DLGAP2: variants seen among roughly 807,000 people sequenced by gnomAD.
DLGAP2 encodes DLG associated protein 2, also known as disks large-associated protein 2.
Under a neutral mutation model 100.3 loss-of-function variants are expected in DLGAP2, and 26 were observed. The ratio of observed to expected loss-of-function variants is 0.26; its 90% CI spans 0.19 to 0.36. The LOEUF is 0.36. DLGAP2 is among the 10% of genes least tolerant of loss of function. The pLI is 1.00. For missense variants in DLGAP2, 1,858 were observed against 1,453.2 expected (o/e 1.28, Z -4.53); for synonymous variants, 886 against 630.1 (o/e 1.41, Z -6.08).
intron 2 of DLGAP2, among the ~76,000 whole-genome samples, chr8:1,197,863 G>A (rs1008278836): frequency 8.5e-5 from 13 of 152,074 alleles, no homozygotes; most frequent in Admixed American, 5.2e-4. Context: ...CAGGTTTCTC[G>A]TCTCCTGGGC....
Position 1,549,563 on chromosome 8 carries a change from C to G in DLGAP2, c.1110C>G (p.Ser370=). Residue 370 remains serine, a synonymous_variant, in exon 5 of 15, where the codon TCC becomes TCG. Transcript: ENST00000637795. ...ACGCCAAGTACCTGAAGCGCAGCTC[C>G]TGGTCTACGCTGACGGTCAGCCAGG... ...TPDAKYLKRS[S]WSTLTVSQAK... The G allele has an allele frequency of 6.2e-7, 1 of 1,613,004 alleles. No homozygotes were observed. The highest frequency in any genetic ancestry group is 8.5e-7 in the Non-Finnish European group (1 of 1,179,804).
In DLGAP2 at chr8:999,014, G is replaced by T. The variant is rs185590311; in HGVS notation, c.73+91048G>T. On this transcript the variant is annotated intron_variant, in intron 2 of 14. Coordinates refer to ENST00000637795, the MANE Select transcript of DLGAP2 (RefSeq NM_001346810.2). ...CCTGTAGAATCCTGAGATGAACATT[G>T]CTGCCTCCAGATGAACCATACCAGG... Among the ~76,000 whole-genome samples the T allele has an allele frequency of 5.9e-5, 9 of 152,244 alleles. No homozygotes were observed. The East Asian group carries it at 1.4e-3, about 23-fold the overall frequency.
At chr8:1,286,576 C>G (rs1799926600) in intron 3 of DLGAP2, among the ~76,000 whole-genome samples, 1 of 152,292 alleles carries the variant, frequency 6.6e-6, no homozygotes, top group South Asian at 2.1e-4. Context: ...TGAGAGCTTT[C>G]CCCTCTCCAT....
At chr8:1,167,411 C>T (rs1025617837) in intron 2 of DLGAP2, among the ~76,000 whole-genome samples, 1 of 152,074 alleles carries the variant, frequency 6.6e-6, no homozygotes, top group East Asian at 1.9e-4. Context: ...GTGAGGCTGG[C>T]AGGGCAGAGG....
chr8:1,168,867 C>T (rs1338239002), intron 2 of DLGAP2, among the ~76,000 whole-genome samples: 2 of 88,116 alleles, frequency 2.3e-5, no homozygotes, highest in Non-Finnish European at 2.5e-5. Context: ...TTTTGCTGTG[C>T]AGAAGCTCTT....
intron 1 of DLGAP2, among the ~76,000 whole-genome samples, chr8:775,349 C>G (rs1022503523): frequency 6.6e-6 from 1 of 151,178 alleles, no homozygotes; most frequent in Admixed American, 6.6e-5. Flanking sequence ...ATTTCCTTCT[C>G]CTGCCTAATT....
At chr8:998,243 C>T (rs1800843790) in intron 2 of DLGAP2, among the ~76,000 whole-genome samples, 1 of 152,204 alleles carries the variant, frequency 6.6e-6, no homozygotes, top group South Asian at 2.1e-4. Flanking sequence ...GGCACTGCTC[C>T]ATCTGTGTCA....
In DLGAP2 at chr8:1,315,969, G is replaced by A. The variant is rs1310924396; in HGVS notation, c.106+57086G>A. ...CAGTGGTCTACACTCGAGAAACTTCGCAGCTTTTAAAAATAGAGGCTGTGC... is the reference window on the plus strand; with the variant it reads ...CAGTGGTCTACACTCGAGAAACTTCACAGCTTTTAAAAATAGAGGCTGTGC... On this transcript the variant is annotated intron_variant, in intron 3 of 14. Transcript: ENST00000637795. 7.4e-5 allele frequency among the ~76,000 whole-genome samples: 10 copies of A among 135,440 alleles called. 1 individual carries two copies. The highest frequency in any genetic ancestry group is 1.1e-4 in the Non-Finnish European group (7 of 61,966). 88.9% of individuals were successfully genotyped at this position (135,440 alleles called of 152,430 possible).
intron 12 of DLGAP2, among the ~76,000 whole-genome samples, chr8:1,681,340 A>T (rs1433559944): frequency 6.6e-6 from 1 of 151,990 alleles, no homozygotes; most frequent in Admixed American, 6.6e-5. Context: ...TTAAAAAAAA[A>T]TAGAATCCTC....
intron 2 of DLGAP2, among the ~76,000 whole-genome samples, chr8:1,225,438 G>C (rs1356715514): frequency 6.6e-6 from 1 of 152,192 alleles, no homozygotes; most frequent in African/African-American, 2.4e-5. Context: ...AGGAGAATGG[G>C]GAACGGTCAC....
intron 2 of DLGAP2, among the ~76,000 whole-genome samples, chr8:1,117,343 C>T (rs894421018): frequency 9.2e-5 from 14 of 152,280 alleles, no homozygotes; most frequent in East Asian, 1.9e-4. Flanking sequence ...GCTGGGGATG[C>T]GGTGACGATG....
chr8:1,291,583 G>C (rs1026683197), intron 3 of DLGAP2, among the ~76,000 whole-genome samples: 1 of 152,168 alleles, frequency 6.6e-6, no homozygotes, highest in African/African-American at 2.4e-5. Context: ...TGATTCTGGG[G>C]AAGCCCCTGC....
intron 2 of DLGAP2, among the ~76,000 whole-genome samples, chr8:1,084,694 A>T (rs1803917847): frequency 2.0e-5 from 3 of 152,214 alleles, no homozygotes; most frequent in African/African-American, 7.2e-5. Context: ...ATGTTTTCAG[A>T]AATGACAGAC....
At chr8:997,081 G>T (rs1479230834) in intron 2 of DLGAP2, among the ~76,000 whole-genome samples, 1 of 152,148 alleles carries the variant, frequency 6.6e-6, no homozygotes, top group African/African-American at 2.4e-5. Flanking sequence ...GCATGTGACG[G>T]ACTGTTTTGT....
intron 6 of DLGAP2, among the ~76,000 whole-genome samples, chr8:1,575,311 C>T (rs150568848): frequency 2.8e-4 from 42 of 152,034 alleles, no homozygotes; most frequent in African/African-American, 4.6e-4. Flanking sequence ...AAACAAACAC[C>T]GCAAATCCCC....
chr8:1,175,863 C>A (rs190470128), intron 2 of DLGAP2, among the ~76,000 whole-genome samples: 1 of 152,200 alleles, frequency 6.6e-6, no homozygotes, highest in African/African-American at 2.4e-5. Flanking sequence ...TAGATTAAAA[C>A]CCTGTGCCCG....
intron 1 of DLGAP2, among the ~76,000 whole-genome samples, chr8:834,699 G>T (rs2132706626): frequency 6.6e-6 from 1 of 152,216 alleles, no homozygotes; most frequent in East Asian, 1.9e-4. Flanking sequence ...TCAAGTGGGT[G>T]CTATGCCCTA....
intron 1 of DLGAP2, among the ~76,000 whole-genome samples, chr8:746,184 C>A (rs1820613976): frequency 6.6e-6 from 1 of 152,240 alleles, no homozygotes; most frequent in South Asian, 2.1e-4. Flanking sequence ...TGGGTGCCAT[C>A]CCTCCAGTGC....
At chr8:780,368 C>T (rs967930506) in intron 1 of DLGAP2, among the ~76,000 whole-genome samples, 1 of 152,218 alleles carries the variant, frequency 6.6e-6, no homozygotes, top group Admixed American at 6.5e-5. Flanking sequence ...GCACACACCA[C>T]GTTTTCCTTA....
Sources: gnomAD v4.1 joint callset for allele counts (sites outside exome capture counted in the v4.1 genomes callset) on GRCh38, gnomAD v4.1.1 for gene constraint, MANE v1.5 for transcripts, NCBI Gene and HGNC (gene_info 2026-07-23, HGNC 2026-07-21) for gene names.